Variants in PRICKLE2 observed in about 807,000 individuals in gnomAD.
PRICKLE2 encodes prickle-like protein 2.
In PRICKLE2, 21 loss-of-function variants were observed where a neutral mutation model predicts 81.4. The ratio of observed to expected loss-of-function variants is 0.26; its 90% CI spans 0.18 to 0.37. PRICKLE2 has a LOEUF of 0.37. PRICKLE2 is among the 10% of genes least tolerant of loss of function. The probability of loss-of-function intolerance (pLI) is 1.00; values close to 1 mark genes in which losing one functional copy is unlikely to be tolerated. For synonymous variants in PRICKLE2, 456 were observed against 421.5 expected, an observed-to-expected ratio of 1.08 and a Z score of -1.00; for missense variants, 940 against 1,109.0, an observed-to-expected ratio of 0.85 and a Z score of 2.16.
chr3:64,165,053 C>T (rs2077805655), intron 2 of PRICKLE2, among the ~76,000 whole-genome samples: 1 of 152,162 alleles, frequency 6.6e-6, no homozygotes, highest in South Asian at 2.1e-4. Flanking sequence ...CTCCCAACTT[C>T]CATTGTCGTT....
intron 1 of PRICKLE2, among the ~76,000 whole-genome samples, chr3:64,210,605 G>C (rs772211347): frequency 6.6e-6 from 1 of 152,168 alleles, no homozygotes; most frequent in Non-Finnish European, 1.5e-5. Flanking sequence ...AGTTGGTACA[G>C]GGTAATTTTC....
At chr3:64,132,331 G>A (rs1224429530) in intron 7 of PRICKLE2, among the ~76,000 whole-genome samples, 1 of 152,176 alleles carries the variant, frequency 6.6e-6, no homozygotes, top group East Asian at 1.9e-4. Context: ...CTCTCTGGCT[G>A]CTGGTTGGGT....
chr3:64,238,534 A>C (rs1425283247), intron 2 of PRICKLE2, among the ~76,000 whole-genome samples: 4 of 151,966 alleles, frequency 2.6e-5, no homozygotes, highest in Non-Finnish European at 5.9e-5. Flanking sequence ...AAAAAAGAAA[A>C]CTTGGTAGAA....
At chr3:64,202,048 G>A (rs932745573) in intron 1 of PRICKLE2, among the ~76,000 whole-genome samples, 1 of 152,166 alleles carries the variant, frequency 6.6e-6, no homozygotes, top group African/African-American at 2.4e-5. Context: ...GACCATAGCT[G>A]TAAGAGTTTA....
At chr3:64,244,805 C>CAA in intron 2 of PRICKLE2, among the ~76,000 whole-genome samples, 1 of 152,008 alleles carries the variant, frequency 6.6e-6, no homozygotes, top group East Asian at 1.9e-4. Context: ...GCTCATGGCT[C>CAA]AAAAAAGAGC....
chr3:64,217,263 G>T (rs1241321914), intron 1 of PRICKLE2, among the ~76,000 whole-genome samples: 2 of 151,940 alleles, frequency 1.3e-5, no homozygotes, highest in Non-Finnish European at 2.9e-5. Context: ...CAGAATAAAA[G>T]GATGTATATT....
At chr3:64,159,623 G>C (rs1575602862) in intron 4 of PRICKLE2, among the ~76,000 whole-genome samples, 1 of 152,118 alleles carries the variant, frequency 6.6e-6, no homozygotes, top group African/African-American at 2.4e-5. Flanking sequence ...TTGCACATCT[G>C]TGCACATCTT....
At chr3:64,164,709 T>A (rs552014236) in intron 2 of PRICKLE2, among the ~76,000 whole-genome samples, 4 of 152,328 alleles carry the variant, frequency 2.6e-5, no homozygotes, top group Admixed American at 6.5e-5. Context: ...AGGGTCTGTA[T>A]AAGCCCCTCC....
chr3:64,243,769 C>A (rs1384774908), intron 2 of PRICKLE2, among the ~76,000 whole-genome samples: 1 of 152,162 alleles, frequency 6.6e-6, no homozygotes, highest in Non-Finnish European at 1.5e-5. Context: ...CAGATTTAAT[C>A]ACTTCATCTC....
At chr3:64,152,366 G>A (rs1365212587) in intron 6 of PRICKLE2, among the ~76,000 whole-genome samples, 1 of 152,124 alleles carries the variant, frequency 6.6e-6, no homozygotes, top group East Asian at 1.9e-4. Flanking sequence ...GCCAGAAAAG[G>A]CAAGTTGAAT....
Position 64,099,374 on chromosome 3 carries a change from G to A in PRICKLE2, c.2212C>T (p.His738Tyr), listed in dbSNP as rs1450093823. The change falls in exon 8 of 8, where the codon CAT becomes TAT. Residue 738 changes from histidine to tyrosine, a missense_variant. His to Tyr is a moderately conservative substitution (Grantham distance 83). This residue lies in a region of PRICKLE2 where 670 missense variants were observed against 717.2 expected (regional missense o/e 0.93). Transcript: ENST00000638394. This position sits in a 1 kb window ranked among gnomAD's most constrained non-coding sequence, Gnocchi z 4.3. Reference protein sequence around the residue: ...RQRSFQESMGHGSRRDLYGQC... With the variant: ...RQRSFQESMGYGSRRDLYGQC... ...CCGTACAGGTCCCTCCGGGACCCAT[G>A]CCCCATGCTCTCCTGGAAGCTCCGC... 1 of 1,610,500 alleles carries A rather than the reference G, an allele frequency of 6.2e-7. No homozygotes were observed. Among genetic ancestry groups the A allele is most frequent in the Non-Finnish European group, 8.5e-7 (1 of 1,177,192 alleles).
rs2077478064 is a variant in PRICKLE2, at chr3:64,147,572, G to A, written c.918C>T (p.Cys306=). 2 of 1,614,126 alleles carry A rather than the reference G, an allele frequency of 1.2e-6. No homozygotes were observed. Among genetic ancestry groups the A allele is most frequent in the Non-Finnish European group, 8.5e-7 (1 of 1,180,046 alleles). ...PFLPKQGQIF[C]SRACSAGEDP... ...CTTCCCCAGCACTGCAGGCCCGTGA[G>A]CAGAATATCTGGCCCTGCTTCGGGA... Residue 306 remains cysteine (C), a synonymous_variant, in exon 7 of 8, where the codon TGC becomes TGT. Transcript: ENST00000638394. The surrounding 1 kb of genome is among the most constrained non-coding windows in gnomAD (Gnocchi z 5.0).
chr3:64,101,336 G>A (rs1041524708), intron 7 of PRICKLE2: 1 of 152,150 alleles, frequency 6.6e-6, no homozygotes, highest in Non-Finnish European at 1.5e-5. Context: ...ATATATTGTG[G>A]TTTTTTCTAC....
chr3:64,093,942 G>A lies in PRICKLE2; in HGVS notation c.*5109C>T, dbSNP rs1164254525. The A allele has an allele frequency of 6.6e-6, 1 of 152,586 alleles. No individual in the cohort carries two copies. Among genetic ancestry groups the A allele is most frequent in the Non-Finnish European group, 1.5e-5 (1 of 68,036 alleles). 9.5% of individuals were successfully genotyped at this position (152,586 alleles called of 1,614,324 possible). ...AGTAAAACATCATATCCATTTTACA[G>A]GGCACGGATCTCAAGCAAAGTGTTC... On this transcript the variant is annotated 3_prime_UTR_variant, in exon 8 of 8. Coordinates refer to ENST00000638394, the MANE Select transcript of PRICKLE2 (RefSeq NM_198859.4).
At chr3:64,179,649 G>A (rs768493433) in intron 2 of PRICKLE2, among the ~76,000 whole-genome samples, 17 of 152,132 alleles carry the variant, frequency 1.1e-4, no homozygotes, top group East Asian at 1.9e-4. Context: ...TAATGACCAC[G>A]AGAGTGCTGC....
chr3:64,139,635 G>A (rs1262423310), intron 7 of PRICKLE2, among the ~76,000 whole-genome samples: 1 of 152,084 alleles, frequency 6.6e-6, no homozygotes, highest in African/African-American at 2.4e-5. Flanking sequence ...CTCACTGCAG[G>A]GCCTGACATT....
chr3:64,164,167 G>A (rs796165430), intron 2 of PRICKLE2, among the ~76,000 whole-genome samples: 49 of 152,022 alleles, frequency 3.2e-4, no homozygotes, highest in African/African-American at 1.1e-3. Flanking sequence ...ACCTGAGGGC[G>A]GCAGTTTGAG....
At chr3:64,163,534 C>G (rs13088453) in intron 2 of PRICKLE2, 98,424 of 268,180 alleles carry the variant, frequency 0.37, 19,202 homozygotes, top group Non-Finnish European at 0.42. Context: ...GCACCTGCCT[C>G]GGCAATGGAG....
At position 64,099,160 on chromosome 3, in the gene PRICKLE2, A is replaced by C. The variant is rs2106934819; in HGVS notation, c.2426T>G (p.Leu809Arg). 1 of 1,614,248 alleles carries C rather than the reference A, an allele frequency of 6.2e-7. No homozygotes were observed. The highest frequency in any genetic ancestry group is 1.3e-5 in the African/African-American group (1 of 75,072). Residue 809 changes from leucine (L) to arginine (R), a missense_variant, in exon 8 of 8, where the codon CTG becomes CGG. By Grantham distance (102) the Leu-to-Arg change is moderately radical. Coordinates refer to ENST00000638394, the MANE Select transcript of PRICKLE2 (RefSeq NM_198859.4). This position sits in a 1 kb window ranked among gnomAD's most constrained non-coding sequence, Gnocchi z 4.3. ...GCCGTAGGAGCTGTATTTGTGCAGCAGCTCATCGCTTGTGACGTATCGCAG... is the reference window on the plus strand; with the variant it reads ...GCCGTAGGAGCTGTATTTGTGCAGCCGCTCATCGCTTGTGACGTATCGCAG... ...ARLRYVTSDE[L>R]LHKYSSYGLP...
Sources: gnomAD v4.1 joint callset for allele counts (sites outside exome capture counted in the v4.1 genomes callset) on GRCh38, gnomAD v4.1.1 for gene constraint, gnomAD v4.1.1 regional missense constraint, Gnocchi (gnomAD v3.1) non-coding constraint, MANE v1.5 for transcripts, NCBI Gene and HGNC (gene_info 2026-07-23, HGNC 2026-07-21) for gene names.